The following LAT2 variants were observed in gnomAD, a reference collection of about 807,000 sequenced individuals.
LAT2 encodes the protein linker for activation of T-cells family member 2.
Under a neutral mutation model 43.4 loss-of-function variants are expected in LAT2, and 23 were observed. That is an observed-to-expected ratio of 0.53 (90% CI 0.38 to 0.75). The LOEUF (loss-of-function observed/expected upper bound fraction) is 0.75, where lower values mean the gene tolerates loss of function less well. Ranked by LOEUF, LAT2 falls within the 30% of genes least tolerant of loss-of-function variation. LAT2 has a pLI of 0.00. For synonymous variants in LAT2, 128 were observed against 123.2 expected (o/e 1.04, Z -0.26); for missense variants, 284 against 310.2 (o/e 0.92, Z 0.64).
At chr7:74,221,809 G>A in intron 10 of LAT2, 117 bp downstream of exon 10, 1 of 775,356 alleles carries the variant, frequency 1.3e-6, no homozygotes, top group Non-Finnish European at 2.1e-6. Context: ...GGCAGAGCCG[G>A]TTGGGTGGAC....
At chr7:74,222,454 G>C (rs1310589089) in intron 10 of LAT2, among the ~76,000 whole-genome samples, 1 of 151,772 alleles carries the variant, frequency 6.6e-6, no homozygotes, top group African/African-American at 2.4e-5. Flanking sequence ...AGGGTGGGCA[G>C]TGCCTGCTGA....
intron 10 of LAT2, among the ~76,000 whole-genome samples, chr7:74,222,235 A>G (rs1802312741): frequency 6.7e-6 from 1 of 149,812 alleles, no homozygotes; most frequent in South Asian, 2.1e-4. Flanking sequence ...AAATACAAAA[A>G]AAAAAAAAAA....
In LAT2 at chr7:74,220,008, G is replaced by C; in HGVS notation, c.227G>C (p.Arg76Thr). 5.0e-6 allele frequency: 8 copies of C among 1,613,690 alleles called. No homozygotes were observed. The highest frequency in any genetic ancestry group is 6.8e-6 in the Non-Finnish European group (8 of 1,179,932). The change falls in exon 6 of 14, where the codon AGG becomes ACG. Residue 76 changes from arginine (R) to threonine (T), a missense_variant and splice_region_variant. Coordinates refer to ENST00000460943, the MANE Select transcript of LAT2 (RefSeq NM_032464.3). This position sits in a 1 kb window ranked among gnomAD's most constrained non-coding sequence, Gnocchi z 4.5. ...PGPLADMAPT[R>T]KDKLLQFYPS... is the part of the protein sequence containing the mutation. ...CCCCTGGCGGACATGGCACCCACAA[G>C]GTAGGTCACAGTCCCCCAGGAAGTG...
At chr7:74,214,430 G>A (rs1202766354) in intron 1 of LAT2, among the ~76,000 whole-genome samples, 113 of 31,190 alleles carry the variant, frequency 3.6e-3, no homozygotes, top group Admixed American at 5.3e-3. Context: ...ATATATATAT[G>A]AAAATATATA....
intron 13 of LAT2, among the ~76,000 whole-genome samples, chr7:74,228,114 T>C (rs1170287745): frequency 1.5e-5 from 2 of 136,244 alleles, no homozygotes; most frequent in African/African-American, 5.6e-5. Context: ...AGGAGGAGGT[T>C]GCAGTGAGCT....
intron 4 of LAT2, among the ~76,000 whole-genome samples, chr7:74,217,471 C>T (rs1184377859): frequency 6.6e-6 from 1 of 152,064 alleles, no homozygotes; most frequent in African/African-American, 2.4e-5. Context: ...TAGAGGTCCA[C>T]CAGGCACCTG....
chr7:74,224,507 A>C, intron 12 of LAT2, 132 bp from the exon 13 acceptor site: 1 of 766,976 alleles, frequency 1.3e-6, no homozygotes, highest in South Asian at 1.6e-5. Context: ...ACAGACACAC[A>C]CCGCCAGGAC....
At chr7:74,210,639 A>G (rs1190412800) in intron 1 of LAT2, among the ~76,000 whole-genome samples, 3 of 152,000 alleles carry the variant, frequency 2.0e-5, no homozygotes, top group African/African-American at 7.2e-5. Context: ...TTTGAAGCCC[A>G]GAGTTATTTG....
chr7:74,227,293 C>T (rs782786574), intron 13 of LAT2, among the ~76,000 whole-genome samples: 1 of 152,026 alleles, frequency 6.6e-6, no homozygotes, highest in African/African-American at 2.4e-5. Flanking sequence ...GTGATCTCGG[C>T]TCACTGCAAC....
In LAT2 at chr7:74,220,603, C is replaced by T. The variant is rs1802228878; in HGVS notation, c.285C>T (p.Tyr95=). The stretch of plus-strand genomic sequence containing the variant: ...TTCCAGATCCAGCATCTTCCAGGTA[C>T]CAGAACTTCAGCAAAGGTAGGTAGG... ...PSLEDPASSR[Y]QNFSKGSRHG... is the part of the protein sequence containing the mutation. The change falls in exon 8 of 14, where the codon TAC becomes TAT. Residue 95 remains tyrosine, a synonymous_variant. Transcript: ENST00000460943. This position sits in a 1 kb window ranked among gnomAD's most constrained non-coding sequence, Gnocchi z 4.5. 2 of 1,613,910 alleles carry T rather than the reference C, an allele frequency of 1.2e-6. No homozygotes were observed. The highest frequency in any genetic ancestry group is 2.7e-5 in the African/African-American group (2 of 74,918).
At chr7:74,223,876 C>T in intron 11 of LAT2, 93 bp downstream of exon 11, 1 of 1,497,960 alleles carries the variant, frequency 6.7e-7, no homozygotes, top group Non-Finnish European at 9.3e-7. Flanking sequence ...AAAGGCCGCC[C>T]CCACTTTGAA....
intron 1 of LAT2, among the ~76,000 whole-genome samples, chr7:74,212,473 G>T (rs1325999421): frequency 1.3e-5 from 2 of 151,680 alleles, no homozygotes; most frequent in Admixed American, 6.6e-5. Flanking sequence ...GTAGAAACAG[G>T]GTTTCACCAT....
chr7:74,213,955 T>C (rs1423303781), intron 1 of LAT2, among the ~76,000 whole-genome samples: 1 of 149,238 alleles, frequency 6.7e-6, no homozygotes, highest in East Asian at 2.0e-4. Flanking sequence ...GGTCTCCTTA[T>C]TATTATTTTT....
chr7:74,215,749 C>A (rs1281791453), intron 2 of LAT2, among the ~76,000 whole-genome samples, 198 bp from the exon 3 acceptor site: 1 of 152,112 alleles, frequency 6.6e-6, no homozygotes, highest in Non-Finnish European at 1.5e-5. Context: ...GTGAAGATGG[C>A]CCACAGGGCA....
At chr7:74,221,739 T>C in intron 10 of LAT2, 47 bp downstream of exon 10, 2 of 1,550,792 alleles carry the variant, frequency 1.3e-6, no homozygotes, top group Non-Finnish European at 1.8e-6. Flanking sequence ...GTGTGGGAGC[T>C]CAGGGCAGAA....
At chr7:74,214,489 T>A (rs1282588278) in intron 1 of LAT2, among the ~76,000 whole-genome samples, 1 of 40,992 alleles carries the variant, frequency 2.4e-5, no homozygotes, top group Non-Finnish European at 3.8e-5. Flanking sequence ...TATATGAAAA[T>A]ATATATATAA....
At position 74,224,685 on chromosome 7, in the gene LAT2, C is replaced by T. The variant is rs372109357; in HGVS notation, c.675C>T (p.Asp225=). 82 of 1,608,414 alleles carry T rather than the reference C, an allele frequency of 5.1e-5. No homozygotes were observed. The highest frequency in any genetic ancestry group is 5.6e-5 in the Non-Finnish European group (66 of 1,177,788). ...EASPGPVGSP[D]EEDGEPDYVN... is the part of the protein sequence containing the mutation. Reference sequence around the variant, plus strand: ...CCCCTGGCCCGGTGGGAAGCCCAGACGAGGAGGACGGGGAACCGGATTACG... The same window carrying T: ...CCCCTGGCCCGGTGGGAAGCCCAGATGAGGAGGACGGGGAACCGGATTACG... The change falls in exon 13 of 14, where the codon GAC becomes GAT. Residue 225 remains aspartate, a synonymous_variant. Transcript: ENST00000460943.
Position 74,221,664 on chromosome 7 carries a change from C to G in LAT2, c.360C>G (p.Asn120Lys). 1.9e-6 allele frequency: 3 copies of G among 1,613,346 alleles called. No homozygotes were observed. The highest frequency in any genetic ancestry group is 2.5e-6 in the Non-Finnish European group (3 of 1,179,600). The change falls in exon 10 of 14, where the codon AAC becomes AAG. Residue 120 changes from asparagine to lysine, a missense_variant. Physicochemically the swap from Asn to Lys is moderately conservative, Grantham distance 94. Transcript: ENST00000460943. ...YIDPIAMEYY[N>K]WGRFSKPPED... ...ACCCCATTGCCATGGAGTATTACAA[C>G]TGGGGGCGGTTCTCGAAGCCCCCAG... is the stretch of plus-strand genomic sequence containing the variant.
intron 1 of LAT2, among the ~76,000 whole-genome samples, chr7:74,213,185 C>T (rs1166797988): frequency 6.6e-6 from 1 of 152,076 alleles, no homozygotes; most frequent in Non-Finnish European, 1.5e-5. Context: ...GTGGCGTGAT[C>T]TCAGCTCACT....
Sources: allele counts gnomAD v4.1 joint callset (sites outside exome capture counted in the v4.1 genomes callset), GRCh38; gene constraint gnomAD v4.1.1; non-coding constraint Gnocchi (gnomAD v3.1); transcripts MANE v1.5; gene names NCBI Gene and HGNC (gene_info 2026-07-23, HGNC 2026-07-21).